Variants in ADGRL3 observed in about 807,000 individuals in gnomAD.
ADGRL3 encodes the protein adhesion G protein-coupled receptor L3.
ADGRL3 carries 62 observed loss-of-function variants against 153.5 expected under a neutral mutation model. The observed-to-expected ratio is 0.40, with a 90% CI of 0.33 to 0.50. ADGRL3 has a LOEUF of 0.50. Ranked by LOEUF, ADGRL3 falls within the 20% of genes least tolerant of loss-of-function variation. ADGRL3 has a pLI of 0.47. For synonymous variants in ADGRL3, 710 were observed against 672.5 expected (o/e 1.06, Z -0.86); for missense variants, 1,641 against 1,859.4 (o/e 0.88, Z 2.16).
At chr4:61,254,480 CTG>C (rs1432952639) in intron 1 of ADGRL3, among the ~76,000 whole-genome samples, 3 of 152,162 alleles carry the variant, frequency 2.0e-5, no homozygotes, top group Admixed American at 2.0e-4. Flanking sequence ...AATGACATGA[CTG>C]TGCATGACCA....
intron 17 of ADGRL3, among the ~76,000 whole-genome samples, chr4:61,971,053 A>C (rs1185457894): frequency 1.3e-5 from 2 of 152,106 alleles, no homozygotes; most frequent in Non-Finnish European, 2.9e-5. Flanking sequence ...ACACTCATAC[A>C]TTTTCAGTAA....
intron 3 of ADGRL3, among the ~76,000 whole-genome samples, chr4:61,503,669 A>G (rs925131049): frequency 6.6e-6 from 1 of 152,128 alleles, no homozygotes; most frequent in Non-Finnish European, 1.5e-5. Flanking sequence ...ATTTTCTAAG[A>G]ATAGCTTTTA....
chr4:61,375,695 T>A (rs1195400829), intron 1 of ADGRL3, among the ~76,000 whole-genome samples: 1 of 152,108 alleles, frequency 6.6e-6, no homozygotes, highest in Non-Finnish European at 1.5e-5. Flanking sequence ...TCTAAGACAT[T>A]CAAAGTGAAT....
intron 6 of ADGRL3, among the ~76,000 whole-genome samples, chr4:61,706,729 ATGGCTCAT>A (rs1359636564): frequency 6.6e-6 from 1 of 152,138 alleles, no homozygotes; most frequent in Admixed American, 6.6e-5. Flanking sequence ...AGGGAATATT[ATGGCTCAT>A]TGGATCTTCT....
chr4:61,538,014 A>G (rs1421949288), intron 4 of ADGRL3, among the ~76,000 whole-genome samples: 1 of 152,100 alleles, frequency 6.6e-6, no homozygotes, highest in Non-Finnish European at 1.5e-5. Flanking sequence ...AGCTGGTACA[A>G]TCCTTTGGAG....
chr4:61,291,208 A>G (rs4038724), intron 1 of ADGRL3, among the ~76,000 whole-genome samples: 8 of 133,024 alleles, frequency 6.0e-5, no homozygotes, highest in Admixed American at 8.5e-5. Flanking sequence ...ACACACACAC[A>G]CACACACACG....
chr4:61,980,111 CAG>C (rs1206003258), intron 18 of ADGRL3, among the ~76,000 whole-genome samples: 1 of 152,106 alleles, frequency 6.6e-6, no homozygotes, highest in Non-Finnish European at 1.5e-5. Flanking sequence ...CATCCTCCAC[CAG>C]AGAGGTACAC....
At chr4:61,747,130 C>A (rs1270422213) in intron 8 of ADGRL3, among the ~76,000 whole-genome samples, 1 of 152,108 alleles carries the variant, frequency 6.6e-6, no homozygotes, top group Admixed American at 6.6e-5. Flanking sequence ...AATTCCTCGA[C>A]ACATACACCC....
intron 5 of ADGRL3, among the ~76,000 whole-genome samples, chr4:61,594,178 T>C (rs999464154): frequency 1.3e-5 from 2 of 152,170 alleles, no homozygotes; most frequent in Non-Finnish European, 2.9e-5. Context: ...CTTATTAAAT[T>C]TGTCTGATAT....
At chr4:61,365,890 G>C (rs554240517) in intron 1 of ADGRL3, among the ~76,000 whole-genome samples, 1 of 152,186 alleles carries the variant, frequency 6.6e-6, no homozygotes, top group East Asian at 1.9e-4. Flanking sequence ...AATATAAATT[G>C]AAGAGAATAA....
At chr4:62,007,136 T>G (rs2099161954) in intron 21 of ADGRL3, among the ~76,000 whole-genome samples, 1 of 151,600 alleles carries the variant, frequency 6.6e-6, no homozygotes, top group East Asian at 2.0e-4. Context: ...AAAGAAGAGA[T>G]AAGAGAAGGG....
intron 2 of ADGRL3, among the ~76,000 whole-genome samples, chr4:61,445,767 T>A (rs567844791): frequency 6.6e-6 from 1 of 152,312 alleles, no homozygotes; most frequent in African/African-American, 2.4e-5. Flanking sequence ...TCATGCACCA[T>A]ATATTGACAT....
intron 3 of ADGRL3, among the ~76,000 whole-genome samples, chr4:61,513,958 G>C (rs1163099887): frequency 6.6e-6 from 1 of 152,012 alleles, no homozygotes; most frequent in Non-Finnish European, 1.5e-5. Context: ...AAACTTGGAG[G>C]GTTGCCTTCA....
intron 1 of ADGRL3, among the ~76,000 whole-genome samples, chr4:61,222,346 C>A (rs1309492473): frequency 6.6e-6 from 1 of 151,978 alleles, no homozygotes; most frequent in East Asian, 1.9e-4. Flanking sequence ...GAGTACATAG[C>A]ACTCTGTTGA....
At chr4:61,378,013 T>C (rs1334944926) in intron 1 of ADGRL3, among the ~76,000 whole-genome samples, 1 of 152,040 alleles carries the variant, frequency 6.6e-6, no homozygotes, top group Non-Finnish European at 1.5e-5. Flanking sequence ...CTATTTTTCT[T>C]TTTATTTCTA....
chr4:61,572,948 C>T (rs1299360499), intron 4 of ADGRL3, among the ~76,000 whole-genome samples: 1 of 151,950 alleles, frequency 6.6e-6, no homozygotes. Context: ...AAATGATCAT[C>T]TTTTGCCAAA....
chr4:61,537,868 G>A (rs567756191), intron 4 of ADGRL3, among the ~76,000 whole-genome samples: 9 of 151,998 alleles, frequency 5.9e-5, no homozygotes, highest in Non-Finnish European at 1.3e-4. Flanking sequence ...TTCATATCCT[G>A]AATTATATTT....
intron 9 of ADGRL3, among the ~76,000 whole-genome samples, chr4:61,842,069 A>T (rs931378586): frequency 2.0e-5 from 3 of 152,318 alleles, no homozygotes; most frequent in South Asian, 2.1e-4. Flanking sequence ...GCTTTTTTTT[A>T]AATGTACAAC....
At chr4:61,320,508 C>T (rs2095333710) in intron 1 of ADGRL3, among the ~76,000 whole-genome samples, 1 of 152,138 alleles carries the variant, frequency 6.6e-6, no homozygotes, top group South Asian at 2.1e-4. Flanking sequence ...TTGTTGTTTG[C>T]AGTCTTGAAT....
Sources: gnomAD v4.1 joint callset for allele counts (sites outside exome capture counted in the v4.1 genomes callset) on GRCh38, gnomAD v4.1.1 for gene constraint, MANE v1.5 for transcripts, NCBI Gene and HGNC (gene_info 2026-07-23, HGNC 2026-07-21) for gene names.